CCSER1: variants seen among roughly 807,000 people sequenced by gnomAD.
CCSER1 encodes serine-rich coiled-coil domain-containing protein 1.
A neutral mutation model predicts 82.0 loss-of-function variants in CCSER1; 41 were observed. The ratio of observed to expected loss-of-function variants is 0.50; its 90% CI spans 0.39 to 0.65. CCSER1 has a LOEUF of 0.65. Among genes scored for constraint, CCSER1 ranks in the 30% least tolerant of loss-of-function variants. The pLI is 0.00. For missense variants in CCSER1, 1,119 were observed against 1,064.2 expected (o/e 1.05, Z -0.72); for synonymous variants, 414 against 383.9 (o/e 1.08, Z -0.92).
intron 10 of CCSER1, among the ~76,000 whole-genome samples, chr4:91,212,875 C>A (rs750451794): frequency 2.0e-5 from 3 of 151,944 alleles, no homozygotes; most frequent in Non-Finnish European, 4.4e-5. Flanking sequence ...AGTTTTTCAG[C>A]CCTTGCCCAC....
intron 10 of CCSER1, among the ~76,000 whole-genome samples, chr4:91,472,804 C>G (rs11931988): frequency 0.013 from 1,906 of 152,254 alleles, 33 homozygotes; most frequent in Middle Eastern, 0.041. Flanking sequence ...TCAGGAGACT[C>G]TCATAAAAAA....
intron 1 of CCSER1, among the ~76,000 whole-genome samples, chr4:90,167,629 C>T (rs1034771377): frequency 1.3e-5 from 2 of 151,974 alleles, no homozygotes; most frequent in African/African-American, 4.8e-5. Flanking sequence ...CCCCCGTCCC[C>T]CCACCCCACA....
chr4:90,152,104 A>C (rs1317034536), intron 1 of CCSER1, among the ~76,000 whole-genome samples: 3 of 152,182 alleles, frequency 2.0e-5, no homozygotes, highest in African/African-American at 7.2e-5. Context: ...ATCTTAAACA[A>C]CACAGGGGAT....
chr4:91,254,324 A>T (rs552190900), intron 10 of CCSER1, among the ~76,000 whole-genome samples: 3 of 152,332 alleles, frequency 2.0e-5, no homozygotes, highest in African/African-American at 7.2e-5. Context: ...AATACAAATT[A>T]AGTCAAATTT....
At chr4:90,920,816 A>G (rs985712603) in intron 8 of CCSER1, among the ~76,000 whole-genome samples, 2 of 151,996 alleles carry the variant, frequency 1.3e-5, no homozygotes, top group African/African-American at 4.8e-5. Flanking sequence ...AGCAATAACC[A>G]TAATATGCAT....
rs1044098582 is a variant in CCSER1 at position 90,858,514 on chromosome 4, G to A, written c.2094+42669G>A. On this transcript the variant is annotated intron_variant, in intron 8 of 10. Transcript: ENST00000509176. ...TTTCTTCAAAGTTCAAATTCTTTACGTTAAGGAATCTAAATACATTTGATT... is the reference window on the plus strand; with the variant it reads ...TTTCTTCAAAGTTCAAATTCTTTACATTAAGGAATCTAAATACATTTGATT... Among the ~76,000 whole-genome samples, 11 of 151,736 alleles carry A rather than the reference G, an allele frequency of 7.2e-5. 1 individual carries two copies. Among genetic ancestry groups the A allele is most frequent in the Admixed American group, 2.0e-4 (3 of 15,188 alleles).
At chr4:91,492,034 T>C (rs1758574259) in intron 10 of CCSER1, among the ~76,000 whole-genome samples, 1 of 151,890 alleles carries the variant, frequency 6.6e-6, no homozygotes, top group East Asian at 1.9e-4. Flanking sequence ...TTATGAATTT[T>C]GTAAATAATG....
At chr4:90,409,249 G>T (rs1754275524) in intron 4 of CCSER1, among the ~76,000 whole-genome samples, 1 of 152,152 alleles carries the variant, frequency 6.6e-6, no homozygotes, top group Non-Finnish European at 1.5e-5. Flanking sequence ...AGCAAGGCAG[G>T]CCAACATTCA....
chr4:90,844,097 TTG>T (rs374626530), intron 8 of CCSER1, among the ~76,000 whole-genome samples: 1,865 of 149,460 alleles, frequency 0.012, 45 homozygotes, highest in African/African-American at 0.043. Flanking sequence ...CTTCCTCTGT[TTG>T]TGTGTGTGTG....
intron 8 of CCSER1, among the ~76,000 whole-genome samples, chr4:90,895,276 T>C (rs2150127673): frequency 6.6e-6 from 1 of 151,976 alleles, no homozygotes; most frequent in African/African-American, 2.4e-5. Context: ...CTGAAAATGG[T>C]CCTCTTGGAG....
chr4:91,298,010 T>C (rs1396428862), intron 10 of CCSER1, among the ~76,000 whole-genome samples: 2 of 151,770 alleles, frequency 1.3e-5, no homozygotes, highest in Non-Finnish European at 2.9e-5. Context: ...TAATAATAGG[T>C]AGTGTTAAGA....
At chr4:90,504,851 A>T (rs1198202469) in intron 5 of CCSER1, among the ~76,000 whole-genome samples, 1 of 152,184 alleles carries the variant, frequency 6.6e-6, no homozygotes, top group African/African-American at 2.4e-5. Context: ...AACATTGCAG[A>T]GCATCCAGGG....
At chr4:91,158,620 CTGTGTGTGTGTG>C (rs145928017) in intron 10 of CCSER1, among the ~76,000 whole-genome samples, 1 of 148,572 alleles carries the variant, frequency 6.7e-6, no homozygotes, top group Non-Finnish European at 1.5e-5. Flanking sequence ...CCCTCTCTTT[CTGTGTGTGTGTG>C]TGTGTGTGTG....
chr4:91,591,982 A>C (rs2110342024), intron 10 of CCSER1, among the ~76,000 whole-genome samples: 1 of 152,272 alleles, frequency 6.6e-6, no homozygotes, highest in South Asian at 2.1e-4. Context: ...AGGAAAGTCC[A>C]GTAGATTATT....
At chr4:91,028,562 A>G (rs1178160860) in intron 9 of CCSER1, among the ~76,000 whole-genome samples, 3 of 152,130 alleles carry the variant, frequency 2.0e-5, no homozygotes, top group Admixed American at 6.6e-5. Context: ...GCATGCCAAT[A>G]AATAATGTTT....
chr4:91,268,243 A>G (rs1741753412), intron 10 of CCSER1, among the ~76,000 whole-genome samples: 1 of 152,200 alleles, frequency 6.6e-6, no homozygotes, highest in Admixed American at 6.5e-5. Flanking sequence ...ATTTAATTTT[A>G]TCAGTGCATG....
intron 5 of CCSER1, among the ~76,000 whole-genome samples, chr4:90,494,728 G>T (rs1415785768): frequency 6.6e-6 from 1 of 151,896 alleles, no homozygotes; most frequent in Non-Finnish European, 1.5e-5. Context: ...CCTATTTTTT[G>T]CAAATAAAAG....
At chr4:91,397,644 G>A (rs1250384262) in intron 10 of CCSER1, among the ~76,000 whole-genome samples, 1 of 152,002 alleles carries the variant, frequency 6.6e-6, no homozygotes, top group African/African-American at 2.4e-5. Flanking sequence ...AACATTGTTT[G>A]TATGAGATAG....
At chr4:90,176,289 C>T (rs1235623760) in intron 1 of CCSER1, among the ~76,000 whole-genome samples, 1 of 151,916 alleles carries the variant, frequency 6.6e-6, no homozygotes, top group Non-Finnish European at 1.5e-5. Flanking sequence ...ACGTTGAAAA[C>T]AATTAGTCAT....
Sources: allele counts gnomAD v4.1 joint callset (sites outside exome capture counted in the v4.1 genomes callset), GRCh38; gene constraint gnomAD v4.1.1; transcripts MANE v1.5; gene names NCBI Gene and HGNC (gene_info 2026-07-23, HGNC 2026-07-21).